STXBP6: variants seen among roughly 807,000 people sequenced by gnomAD.
The protein encoded by STXBP6 is syntaxin-binding protein 6.
Under a neutral mutation model 26.9 loss-of-function variants are expected in STXBP6, and 21 were observed. The ratio of observed to expected loss-of-function variants is 0.78; its 90% CI spans 0.55 to 1.12. STXBP6 has a LOEUF of 1.12. STXBP6 is among the 50% of genes most tolerant of loss of function. The pLI, the probability that STXBP6 is intolerant of heterozygous loss-of-function variation, is 0.00. For missense variants in STXBP6, 232 were observed against 257.9 expected (o/e 0.90, Z 0.69); for synonymous variants, 97 against 92.6 (o/e 1.05, Z -0.27).
At chr14:24,987,063 T>C (rs992370940) in intron 1 of STXBP6, among the ~76,000 whole-genome samples, 4 of 151,988 alleles carry the variant, frequency 2.6e-5, no homozygotes, top group Admixed American at 2.0e-4. Context: ...CAGTGTTTGA[T>C]AGGAAGGAAA....
chr14:24,816,652 C>G (rs2067985768), intron 5 of STXBP6: 1 of 152,188 alleles, frequency 6.6e-6, no homozygotes, highest in African/African-American at 2.4e-5. Flanking sequence ...AATTTTCCCA[C>G]TGGTCAAGCC....
intron 1 of STXBP6, among the ~76,000 whole-genome samples, chr14:25,023,626 T>G (rs778495700): frequency 1.3e-5 from 2 of 151,736 alleles, no homozygotes; most frequent in East Asian, 3.9e-4. Context: ...CTGGGCAACA[T>G]AGCAAGACCC....
At chr14:25,028,228 C>T (rs931959542) in intron 1 of STXBP6, among the ~76,000 whole-genome samples, 2 of 152,132 alleles carry the variant, frequency 1.3e-5, no homozygotes, top group Non-Finnish European at 2.9e-5. Flanking sequence ...GAAGAAAATG[C>T]CATTTAGGAC....
rs577969703 is a variant in STXBP6 at position 24,875,146 on chromosome 14, T to C, written c.155-17989A>G. On this transcript the variant is annotated intron_variant, in intron 2 of 5. Transcript: ENST00000323944. Reference sequence around the variant, plus strand: ...AGCCCTGGACCGGGAGTCAGGAGGCTGGGGGTCCTGTGCCCATTCTGCCTA... The same window carrying C: ...AGCCCTGGACCGGGAGTCAGGAGGCCGGGGGTCCTGTGCCCATTCTGCCTA... Among the ~76,000 whole-genome samples, 94 of 152,266 alleles carry C rather than the reference T, an allele frequency of 6.2e-4. 1 individual carries two copies. Among genetic ancestry groups the C allele is most frequent in the Non-Finnish European group, 1.9e-4 (13 of 68,008 alleles).
chr14:25,030,438 C>T (rs1458635861), intron 1 of STXBP6, among the ~76,000 whole-genome samples: 1 of 152,176 alleles, frequency 6.6e-6, no homozygotes, highest in Admixed American at 6.5e-5. Flanking sequence ...CTCTCTTTTG[C>T]CCTTTTTTGA....
At chr14:24,969,291 C>A (rs1203179768) in intron 2 of STXBP6, among the ~76,000 whole-genome samples, 2 of 152,160 alleles carry the variant, frequency 1.3e-5, no homozygotes, top group Non-Finnish European at 2.9e-5. Context: ...GGATGAGTAG[C>A]AGCCAAGGGA....
Position 24,956,775 on chromosome 14 carries a change from C to T in STXBP6, c.154+17890G>A, listed in dbSNP as rs547835709. Among the ~76,000 whole-genome samples, 25 of 152,290 alleles carry T rather than the reference C, an allele frequency of 1.6e-4. No individual in the cohort carries two copies. In the South Asian group the frequency reaches 4.4e-3, roughly 27 times the overall value. On this transcript the variant is annotated intron_variant, in intron 2 of 5. Transcript: ENST00000323944. ...TAATACACCGACCACGCCTTCAACA[C>T]CAAAAACCCAAACTTCACTCTTAAC...
At chr14:24,891,109 A>G (rs2070770336) in intron 2 of STXBP6, among the ~76,000 whole-genome samples, 1 of 152,098 alleles carries the variant, frequency 6.6e-6, no homozygotes, top group South Asian at 2.1e-4. Flanking sequence ...GAGTTTCCTA[A>G]GGAAGGGCTC....
rs993975558 is a variant in STXBP6 at position 24,970,466 on chromosome 14, A to G, written c.154+4199T>C. On this transcript the variant is annotated intron_variant, in intron 2 of 5. Transcript: ENST00000323944. ...TTGTCTGTTCTAGAATGTCATATAA[A>G]TAGAATCACATAGTATATTGATGCT... Among the ~76,000 whole-genome samples, 38 of 152,098 alleles carry G rather than the reference A, an allele frequency of 2.5e-4. 1 individual carries two copies.
chr14:25,022,129 T>C (rs1012143168), intron 1 of STXBP6, among the ~76,000 whole-genome samples: 1 of 152,194 alleles, frequency 6.6e-6, no homozygotes, highest in Non-Finnish European at 1.5e-5. Context: ...TGGTTCAAAA[T>C]GAGTTACACC....
At chr14:24,867,653 C>T (rs2139299245) in intron 2 of STXBP6, among the ~76,000 whole-genome samples, 1 of 149,954 alleles carries the variant, frequency 6.7e-6, no homozygotes, top group Middle Eastern at 3.4e-3. Context: ...TTGTACTATA[C>T]ACAAAAAAAA....
intron 1 of STXBP6, among the ~76,000 whole-genome samples, chr14:24,994,242 C>T (rs1011591084): frequency 1.9e-4 from 29 of 152,144 alleles, no homozygotes; most frequent in African/African-American, 6.8e-4. Context: ...CGGTGATGAC[C>T]TTCTTGCCTC....
rs1173979212 is a variant in STXBP6 at position 24,809,851 on chromosome 14, C to A, written c.*2858G>T. On this transcript the variant is annotated 3_prime_UTR_variant, in exon 6 of 6. Transcript: ENST00000323944. ...TTAAGAGCTAAACCTATCTTTAATG[C>A]CCCTTATTTAGAGCATCCTGTAAAT... 2 of 152,080 alleles carry A rather than the reference C, an allele frequency of 1.3e-5. No homozygotes were observed. The highest frequency in any genetic ancestry group is 3.9e-4 in the East Asian group (2 of 5,190). 9.4% of individuals were successfully genotyped at this position (152,080 alleles called of 1,614,324 possible).
At chr14:24,961,055 G>C (rs2140120455) in intron 2 of STXBP6, among the ~76,000 whole-genome samples, 1 of 152,254 alleles carries the variant, frequency 6.6e-6, no homozygotes, top group East Asian at 1.9e-4. Context: ...GAATGACTAA[G>C]GATTCTTGTG....
intron 2 of STXBP6, among the ~76,000 whole-genome samples, chr14:24,949,002 G>A (rs960959308): frequency 3.3e-5 from 5 of 152,104 alleles, no homozygotes; most frequent in African/African-American, 1.2e-4. Flanking sequence ...CGGTGTCATA[G>A]TGACATCAAT....
chr14:25,023,152 C>T (rs1386385322), intron 1 of STXBP6, among the ~76,000 whole-genome samples: 1 of 152,128 alleles, frequency 6.6e-6, no homozygotes, highest in Admixed American at 6.5e-5. Flanking sequence ...TTAAGATATG[C>T]TCTTCTAACG....
intron 2 of STXBP6, among the ~76,000 whole-genome samples, chr14:24,877,831 T>C (rs2139397528): frequency 6.6e-6 from 1 of 152,316 alleles, no homozygotes; most frequent in East Asian, 1.9e-4. Flanking sequence ...TAATAAATAT[T>C]ACCACTGGCC....
intron 2 of STXBP6, among the ~76,000 whole-genome samples, chr14:24,955,253 T>C (rs2073302159): frequency 6.6e-6 from 1 of 152,160 alleles, no homozygotes; most frequent in African/African-American, 2.4e-5. Flanking sequence ...GCCTGTTAGA[T>C]TGATGTTAGA....
In STXBP6 at chr14:24,821,632, T is replaced by C. The variant is rs971715568; in HGVS notation, c.452-2438A>G. Among the ~76,000 whole-genome samples, 8 of 152,300 alleles carry C rather than the reference T, an allele frequency of 5.3e-5. 2 individuals are homozygous for C. Among genetic ancestry groups the C allele is most frequent in the Admixed American group, 3.9e-4 (6 of 15,298 alleles). ...CTTCCAGTTTCAATTCTACCCACATTTTAGGCACAGTGAAGTCCCATCACC... is the reference window on the plus strand; with the variant it reads ...CTTCCAGTTTCAATTCTACCCACATCTTAGGCACAGTGAAGTCCCATCACC... On this transcript the variant is annotated intron_variant, in intron 4 of 5. Transcript: ENST00000323944.
Sources: allele counts gnomAD v4.1 joint callset (sites outside exome capture counted in the v4.1 genomes callset), GRCh38; gene constraint gnomAD v4.1.1; transcripts MANE v1.5; gene names NCBI Gene and HGNC (gene_info 2026-07-23, HGNC 2026-07-21).